The following DCAF8L2 variants were observed in gnomAD, a reference collection of about 807,000 sequenced individuals.
DCAF8L2 encodes DDB1- and CUL4-associated factor 8-like protein 2.
For missense variants in DCAF8L2, 430 were observed against 490.7 expected (o/e 0.88, Z 1.17); for synonymous variants, 200 against 190.9 (o/e 1.05, Z -0.39).
At chrX:27,514,207 T>TGTGC in the DCAF8L2 span, among the ~76,000 whole-genome samples, 1 of 74,028 alleles carries the variant, frequency 1.4e-5, no homozygotes, top group African/African-American at 7.0e-5. Context: ...TATGTACATG[T>TGTGC]ATGTGTGCTA....
intron 2 of DCAF8L2, among the ~76,000 whole-genome samples, chrX:27,672,599 G>A (rs1417538844): frequency 1.8e-5 from 2 of 111,814 alleles, no homozygotes; most frequent in Non-Finnish European, 3.8e-5. Context: ...AGCCTAAGAA[G>A]GATAAATGGA....
At chrX:27,587,985 A>AAAAAAAAATATATATATATATAT, upstream of DCAF8L2, among the ~76,000 whole-genome samples, 2 of 22,371 alleles carry the variant, frequency 8.9e-5, no homozygotes, top group African/African-American at 2.0e-4. Context: ...TAAAAAAAAA[A>AAAAAAAAATATATATATATATAT]ATATATATAT....
intron 1 of DCAF8L2, among the ~76,000 whole-genome samples, chrX:27,613,810 T>C (rs1023394895): frequency 2.7e-5 from 3 of 111,406 alleles, no homozygotes; most frequent in African/African-American, 9.8e-5. Context: ...GCCAACTTGA[T>C]CTTGGTGGAT....
At chrX:27,488,274 TTTCCC>T in the DCAF8L2 span, among the ~76,000 whole-genome samples, 1 of 111,361 alleles carries the variant, frequency 9.0e-6, no homozygotes, top group African/African-American at 3.3e-5. Context: ...CATATTCTTA[TTTCCC>T]ATTTGTGTAT....
At chrX:27,579,130 C>A in the DCAF8L2 span, among the ~76,000 whole-genome samples, 1 of 111,714 alleles carries the variant, frequency 9.0e-6, no homozygotes, top group South Asian at 3.7e-4. Context: ...CAGCACTATT[C>A]ACAATAGCAA....
At chrX:27,488,897 T>G in the DCAF8L2 span, among the ~76,000 whole-genome samples, 1 of 110,122 alleles carries the variant, frequency 9.1e-6, no homozygotes, top group Non-Finnish European at 1.9e-5. Flanking sequence ...CAAGCGATCC[T>G]CCCACCTTGG....
chrX:27,473,187 T>G, the DCAF8L2 span, among the ~76,000 whole-genome samples: 18 of 112,489 alleles, frequency 1.6e-4, no homozygotes, highest in Admixed American at 1.7e-3. Context: ...AAATTTTGTA[T>G]GTGAAAAACC....
At chrX:27,484,895 A>C in the DCAF8L2 span, among the ~76,000 whole-genome samples, 26 of 111,906 alleles carry the variant, frequency 2.3e-4, no homozygotes, top group Non-Finnish European at 4.1e-4. Flanking sequence ...ATTGAAAAAG[A>C]ATCCAACTGT....
the DCAF8L2 span, among the ~76,000 whole-genome samples, chrX:27,498,034 G>A: frequency 8.9e-6 from 1 of 112,255 alleles, no homozygotes; most frequent in Admixed American, 9.5e-5. Flanking sequence ...TCCATTGTGT[G>A]TGTGTATATA....
chrX:27,548,396 G>A, the DCAF8L2 span, among the ~76,000 whole-genome samples: 3 of 111,528 alleles, frequency 2.7e-5, no homozygotes, highest in Admixed American at 2.9e-4. Flanking sequence ...TCAAAATGGT[G>A]TGGAGGCATT....
At chrX:27,645,708 T>C (rs1383372196) in intron 2 of DCAF8L2, among the ~76,000 whole-genome samples, 1 of 111,662 alleles carries the variant, frequency 9.0e-6, no homozygotes, top group Non-Finnish European at 1.9e-5. Flanking sequence ...GATGGGCAAC[T>C]TCAGCAAAAT....
chrX:27,517,672 C>T, the DCAF8L2 span: 1,068 of 666,160 alleles, frequency 1.6e-3, 8 homozygotes, highest in Admixed American at 1.3e-3. Flanking sequence ...AGTGCTTTGG[C>T]GAGGTGGGAT....
chrX:27,485,999 G>A, the DCAF8L2 span, among the ~76,000 whole-genome samples: 3 of 66,097 alleles, frequency 4.5e-5, no homozygotes, highest in African/African-American at 1.1e-4. Flanking sequence ...ATCGTATTAT[G>A]TTCCACTCTA....
At chrX:27,496,889 C>A in the DCAF8L2 span, among the ~76,000 whole-genome samples, 1 of 112,358 alleles carries the variant, frequency 8.9e-6, no homozygotes, top group African/African-American at 3.2e-5. Context: ...AAGGAACAAT[C>A]TATTGATGCA....
chrX:27,567,030 C>T, the DCAF8L2 span, among the ~76,000 whole-genome samples: 1 of 111,210 alleles, frequency 9.0e-6, no homozygotes, highest in Non-Finnish European at 1.9e-5. Flanking sequence ...TTGTGAATAT[C>T]CACTTTTCCT....
the DCAF8L2 span, among the ~76,000 whole-genome samples, chrX:27,527,580 T>C: frequency 1.8e-5 from 2 of 111,202 alleles, no homozygotes; most frequent in Admixed American, 1.9e-4. Context: ...AGTACTTCAG[T>C]TGGAAATGCA....
the DCAF8L2 span, chrX:27,519,531 A>C: frequency 1.2e-6 from 1 of 802,937 alleles, no homozygotes; most frequent in South Asian, 2.1e-5. Flanking sequence ...AAAAGACCAA[A>C]GAAGAGTTAA....
the DCAF8L2 span, among the ~76,000 whole-genome samples, chrX:27,564,586 A>G: frequency 9.0e-6 from 1 of 110,782 alleles, no homozygotes; most frequent in Non-Finnish European, 1.9e-5. Flanking sequence ...CCACATCAGC[A>G]TATCTGGGAG....
At chrX:27,474,481 A>G in the DCAF8L2 span, among the ~76,000 whole-genome samples, 6 of 111,500 alleles carry the variant, frequency 5.4e-5, no homozygotes, top group Non-Finnish European at 1.1e-4. Flanking sequence ...CTCAGGCTGT[A>G]TCAGGCACTA....
Sources: allele counts gnomAD v4.1 joint callset (sites outside exome capture counted in the v4.1 genomes callset), GRCh38; gene constraint gnomAD v4.1.1; transcripts MANE v1.5; gene names NCBI Gene and HGNC (gene_info 2026-07-23, HGNC 2026-07-21).